CENPN: variants seen among roughly 807,000 people sequenced by gnomAD.
The protein encoded by CENPN is interphase centromere complex protein 32.
CENPN carries 36 observed loss-of-function variants against 48.6 expected under a neutral mutation model. The ratio of observed to expected loss-of-function variants is 0.74; its 90% confidence interval spans 0.57 to 0.98. CENPN has a LOEUF of 0.98. CENPN is among the 50% of genes least tolerant of loss of function. The pLI is 0.00. For missense variants in CENPN, 439 were observed against 399.2 expected, an observed-to-expected ratio of 1.10 and a Z score of -0.85; for synonymous variants, 166 against 135.2, an observed-to-expected ratio of 1.23 and a Z score of -1.58.
chr16:81,011,916 T>G lies in CENPN; in HGVS notation c.-10-14T>G, dbSNP rs199585256. ...TGGTTAATACTTTGTTGTGCTGTTT[T>G]TGTTTTGTAAAAGTGCCAAAGAGAT... On this transcript the variant is annotated splice_polypyrimidine_tract_variant and intron_variant, in intron 1 of 10. Coordinates refer to ENST00000305850, the MANE Select transcript of CENPN (RefSeq NM_001100624.3). 41 of 1,607,156 alleles carry G rather than the reference T, an allele frequency of 2.6e-5. No homozygotes were observed. Among genetic ancestry groups the G allele is most frequent in the Non-Finnish European group, 3.3e-5 (39 of 1,174,734 alleles).
At chr16:81,017,511 A>C (rs926113337) in intron 4 of CENPN, 126 bp downstream of exon 4, 4 of 395,086 alleles carry the variant, frequency 1.0e-5, no homozygotes, top group Admixed American at 3.7e-5. Context: ...CTCTATATCC[A>C]AAAAAAAAAA....
At chr16:81,016,833 C>G (rs1969951621) in intron 3 of CENPN, 1 of 162,620 alleles carries the variant, frequency 6.1e-6, no homozygotes, top group Non-Finnish European at 1.3e-5. Flanking sequence ...GTGATGAGTC[C>G]TCCGACAGGA....
intron 1 of CENPN, among the ~76,000 whole-genome samples, chr16:81,011,691 A>G (rs924572186): frequency 6.6e-6 from 1 of 152,228 alleles, no homozygotes; most frequent in Non-Finnish European, 1.5e-5. Flanking sequence ...GGACCTACAA[A>G]TCAAAATCCC....
Position 81,030,160 on chromosome 16 carries a change from T to G in CENPN, c.*1509T>G. The G allele has an allele frequency of 2.0e-6, 2 of 976,576 alleles. No individual in the cohort carries two copies. The highest frequency in any genetic ancestry group is 2.4e-6 in the Non-Finnish European group (2 of 821,978). 60.5% of individuals were successfully genotyped at this position (976,576 alleles called of 1,614,324 possible). On this transcript the variant is annotated 3_prime_UTR_variant, in exon 11 of 11. Transcript: ENST00000305850. ...GGCCCTGCCCTTGTCACATGGGGGT[T>G]ATTACAATTCAAGGTGACACTTGTG...
intron 5 of CENPN, 121 bp downstream of exon 5, chr16:81,017,955 G>A (rs533154320): frequency 5.0e-5 from 30 of 601,300 alleles, no homozygotes; most frequent in Non-Finnish European, 7.6e-5. Context: ...TAGTTCATAC[G>A]GTTCTACTCC....
chr16:81,032,927 A>C, downstream of CENPN: 1 of 363,752 alleles, frequency 2.7e-6, no homozygotes, highest in Non-Finnish European at 4.9e-6. Context: ...ACAGATAACT[A>C]ATCTGTGGCC....
At chr16:81,020,365 A>C in intron 6 of CENPN, 89 bp downstream of exon 6, 1 of 1,289,534 alleles carries the variant, frequency 7.8e-7, no homozygotes, top group Non-Finnish European at 1.0e-6. Context: ...AGTATTTGAT[A>C]GAGAATACTA....
At chr16:81,032,472 C>G, downstream of CENPN, 1 of 1,224,546 alleles carries the variant, frequency 8.2e-7, no homozygotes, top group Non-Finnish European at 1.1e-6. Flanking sequence ...CACTCTGATG[C>G]CTCCCCTCCC....
At position 81,028,127 on chromosome 16, in the gene CENPN, T is replaced by A. The variant is rs1970593211; in HGVS notation, c.811-44T>A. ...TTTCATTATATTTTACCATTCGTAT[T>A]TATACAATATGTTTAATAGTCATTT... On this transcript the variant is annotated intron_variant, in intron 9 of 10. Transcript: ENST00000305850. 6 of 1,385,804 alleles carry A rather than the reference T, an allele frequency of 4.3e-6. No homozygotes were observed. In the East Asian group the frequency reaches 1.4e-4, roughly 32 times the overall value. The allele number at this position is 1,385,804 out of a possible 1,614,324, so 85.8% of individuals were successfully genotyped here. A position where few individuals can be genotyped will look rare whatever the true frequency, so the allele number is the denominator to read the frequency against.
At chr16:81,008,502 G>C (rs1275317206) in intron 1 of CENPN, among the ~76,000 whole-genome samples, 1 of 152,100 alleles carries the variant, frequency 6.6e-6, no homozygotes, top group Non-Finnish European at 1.5e-5. Flanking sequence ...CTCCCGAGTA[G>C]CTGGGACTAG....
chr16:81,012,116 AGT>A lies in CENPN; in HGVS notation c.171+9_171+10del. ...ACTTGATCCATCTGTGTGAGGTAAC[AGT>A]GTTAAAAATGATGAGCCTTGAACAG... On this transcript the variant is annotated splice_region_variant and intron_variant, in intron 2 of 10. Coordinates refer to ENST00000305850, the MANE Select transcript of CENPN (RefSeq NM_001100624.3). The A allele has an allele frequency of 6.2e-7, 1 of 1,613,484 alleles. No individual in the cohort carries two copies. The highest frequency in any genetic ancestry group is 8.5e-7 in the Non-Finnish European group (1 of 1,179,528).
chr16:81,009,008 A>C (rs938010918), intron 1 of CENPN, among the ~76,000 whole-genome samples: 25 of 152,256 alleles, frequency 1.6e-4, no homozygotes, highest in Admixed American at 5.9e-4. Flanking sequence ...GGAGTTCAAG[A>C]CCAGCCTGAC....
rs1969447875 is a variant in CENPN at position 81,007,237 on chromosome 16, G to C, written c.-51G>C. ...GTGGCTTTGAAGGCGCGGCGAGCGG[G>C]AACAGCTCTTGAGGAGTGAGACTGC... On this transcript the variant is annotated 5_prime_UTR_variant, in exon 1 of 11. Coordinates refer to ENST00000305850, the MANE Select transcript of CENPN (RefSeq NM_001100624.3). 6.0e-6 allele frequency: 1 copy of C among 167,802 alleles called. No individual in the cohort carries two copies. The highest frequency in any genetic ancestry group is 6.5e-5 in the Admixed American group (1 of 15,320). The allele number at this position is 167,802 out of a possible 1,614,324, so 10.4% of individuals were successfully genotyped here.
downstream of CENPN, chr16:81,032,674 C>T (rs913908651): frequency 6.2e-7 from 1 of 1,608,054 alleles, no homozygotes; most frequent in African/African-American, 1.3e-5. Flanking sequence ...TCTGTTTGTC[C>T]CATTGTATCC....
chr16:81,026,575 A>C lies in CENPN; in HGVS notation c.747A>C (p.Gln249His). Residue 249 changes from glutamine to histidine, a missense_variant, in exon 9 of 11, where the codon CAA becomes CAC. Coordinates refer to ENST00000305850, the MANE Select transcript of CENPN (RefSeq NM_001100624.3). Reference sequence around the variant, plus strand: ...ACATAGTAGAAAAAGAGAGAGTCCAACGAATAACTCAAGAAACATTTGGAG... The same window carrying C: ...ACATAGTAGAAAAAGAGAGAGTCCACCGAATAACTCAAGAAACATTTGGAG... ...HENIVEKERVQRITQETFGDY... is the reference protein window; with the variant it reads ...HENIVEKERVHRITQETFGDY... The C allele has an allele frequency of 2.5e-6, 4 of 1,608,876 alleles. No homozygotes were observed. The highest frequency in any genetic ancestry group is 3.4e-6 in the Non-Finnish European group (4 of 1,176,258).
intron 3 of CENPN, among the ~76,000 whole-genome samples, chr16:81,016,289 G>C (rs553280274): frequency 5.9e-5 from 9 of 152,334 alleles, no homozygotes; most frequent in African/African-American, 1.9e-4. Context: ...GAGCCCGCGA[G>C]TTCAAGTCTA....
chr16:81,016,698 G>T (rs1969947651), intron 3 of CENPN: 1 of 152,470 alleles, frequency 6.6e-6, no homozygotes, highest in Non-Finnish European at 1.5e-5. Flanking sequence ...GGAGGCACAG[G>T]TTGCAGTGAG....
intron 6 of CENPN, chr16:81,020,627 T>C (rs909052910): frequency 1.8e-5 from 3 of 170,878 alleles, no homozygotes; most frequent in East Asian, 1.5e-4. Flanking sequence ...CTATATTTTA[T>C]TGTTTTTTGA....
chr16:81,026,384 A>G (rs1163443115), intron 8 of CENPN, 142 bp from the exon 9 acceptor site: 1 of 405,606 alleles, frequency 2.5e-6, no homozygotes, highest in East Asian at 4.0e-5. Context: ...TACACTAAGA[A>G]ATTATTACAG....
Sources: allele counts gnomAD v4.1 joint callset (sites outside exome capture counted in the v4.1 genomes callset), GRCh38; gene constraint gnomAD v4.1.1; transcripts MANE v1.5; gene names NCBI Gene and HGNC (gene_info 2026-07-23, HGNC 2026-07-21).